NR5A1: variants seen among roughly 807,000 people sequenced by gnomAD.
NR5A1 encodes nuclear receptor subfamily 5 group A member 1.
NR5A1 carries 6 observed loss-of-function variants against 42.7 expected under a neutral mutation model. That is an observed-to-expected ratio of 0.14 (90% CI 0.08 to 0.28). The LOEUF (loss-of-function observed/expected upper bound fraction) is 0.28. NR5A1 is among the 10% of genes least tolerant of loss of function. The pLI is 1.00. For missense variants in NR5A1, 442 were observed against 626.4 expected (o/e 0.71, Z 3.14); for synonymous variants, 274 against 277.5 (o/e 0.99, Z 0.12).
At chr9:124,491,017 A>AGGCCCCC in intron 6 of NR5A1, 64 bp downstream of exon 6, 1 of 457,440 alleles carries the variant, frequency 2.2e-6, no homozygotes, top group Non-Finnish European at 4.2e-6. Flanking sequence ...CTCCAGCCTC[A>AGGCCCCC]CCCACCCTCC....
chr9:124,496,872 G>T lies in NR5A1; in HGVS notation c.870+3218C>A, dbSNP rs1832397591. On this transcript the variant is annotated intron_variant, in intron 4 of 6. Transcript: ENST00000373588. This position sits in a 1 kb window ranked among gnomAD's most constrained non-coding sequence, Gnocchi z 5.0. ...GTCCTCCCTTGCATCCTCCCAGCCTGTCCTTCGCAGTAAGTGACGAGAGGC... is the reference window on the plus strand; with the variant it reads ...GTCCTCCCTTGCATCCTCCCAGCCTTTCCTTCGCAGTAAGTGACGAGAGGC... Among the ~76,000 whole-genome samples the T allele has an allele frequency of 6.6e-6, 1 of 152,254 alleles. No homozygotes were observed. The highest frequency in any genetic ancestry group is 1.5e-5 in the Non-Finnish European group (1 of 68,048).
At position 124,493,039 on chromosome 9, in the gene NR5A1, G is replaced by C. The variant is rs141555967; in HGVS notation, c.981C>G (p.Thr327=). ...HGKEGSILLV[T]GQEVELTTVA... is the part of the protein sequence containing the mutation. ...CCGAGGGACTGGTCACCTCCTGCCC[G>C]GTGACCAGCAGGATGCTGCCCTCCT... Residue 327 remains threonine (T), a synonymous_variant, in exon 5 of 7, where the codon ACC becomes ACG. Coordinates refer to ENST00000373588, the MANE Select transcript of NR5A1 (RefSeq NM_004959.5). 6.2e-7 allele frequency: 1 copy of C among 1,600,616 alleles called. No homozygotes were observed. Among genetic ancestry groups the C allele is most frequent in the East Asian group, 2.2e-5 (1 of 44,508 alleles).
rs772799415 is a variant in NR5A1 at position 124,491,151 on chromosome 9, C to T, written c.1068G>A (p.Leu356=). The T allele has an allele frequency of 1.9e-6, 3 of 1,609,028 alleles. No homozygotes were observed. The African/African-American group carries it at 4.0e-5, about 21-fold the overall frequency. Residue 356 remains leucine (L), a synonymous_variant, in exon 6 of 7, where the codon CTG becomes CTA. Transcript: ENST00000373588. ...SLVLRAQELV[L]QLLALQLDRQ... is the part of the protein sequence containing the mutation. The stretch of plus-strand genomic sequence containing the variant: ...GGTCCAGCTGCAGCGCAAGCAGCTG[C>T]AGCACCAGCTCCTGCGCCCGCAACA...
chr9:124,500,076 G>A lies in NR5A1; in HGVS notation c.870+14C>T. 2.5e-6 allele frequency: 4 copies of A among 1,613,100 alleles called. No individual in the cohort carries two copies. The highest frequency in any genetic ancestry group is 3.4e-6 in the Non-Finnish European group (4 of 1,180,034). ...CCATGATGCAGGGCCAGCCGGGCGG[G>A]AGGAGAGACTCACCTCCAGCTCCTT... On this transcript the variant is annotated intron_variant, in intron 4 of 6. Transcript: ENST00000373588. This position sits in a 1 kb window ranked among gnomAD's most constrained non-coding sequence, Gnocchi z 6.9.
intron 4 of NR5A1, among the ~76,000 whole-genome samples, chr9:124,499,556 C>A (rs887109481): frequency 6.6e-6 from 1 of 152,178 alleles, no homozygotes; most frequent in Admixed American, 6.5e-5. Context: ...ACACTAAGAG[C>A]CCCCATCTGT....
rs1309947099 is a variant in NR5A1, at chr9:124,482,527, C to A, written c.*231G>T. 1 of 590,818 alleles carries A rather than the reference C, an allele frequency of 1.7e-6. No individual in the cohort carries two copies. Among genetic ancestry groups the A allele is most frequent in the Non-Finnish European group, 3.0e-6 (1 of 333,312 alleles). 36.6% of individuals were successfully genotyped at this position (590,818 alleles called of 1,614,324 possible). On this transcript the variant is annotated 3_prime_UTR_variant, in exon 7 of 7. Transcript: ENST00000373588. ...AGCCACCTCCTTGGGGCACTCCAAG[C>A]AGCAGGCAAGTGCCAGTGGCCACTC...
rs1832144345 is a variant in NR5A1, at chr9:124,482,630, G to A, written c.*128C>T. 1.4e-5 allele frequency: 16 copies of A among 1,121,980 alleles called. No individual in the cohort carries two copies. The East Asian group carries it at 3.9e-4, about 27-fold the overall frequency. The allele number at this position is 1,121,980 out of a possible 1,614,324, so 69.5% of individuals were successfully genotyped here. ...CAGAACTCAGGGGCAGCGGCCTCTG[G>A]GACGGGGCTGGGGCTCCTCGGTGGG... On this transcript the variant is annotated 3_prime_UTR_variant, in exon 7 of 7. Transcript: ENST00000373588.
rs1327061057 is a variant in NR5A1, at chr9:124,493,044, C to T, written c.976G>A (p.Val326Ile). 1 of 1,603,630 alleles carries T rather than the reference C, an allele frequency of 6.2e-7. No homozygotes were observed. Among genetic ancestry groups the T allele is most frequent in the East Asian group, 2.2e-5 (1 of 44,600 alleles). The change falls in exon 5 of 7, where the codon GTC becomes ATC. Residue 326 changes from valine to isoleucine, a missense_variant. Around this residue, in one of 3 missense-constraint regions of NR5A1, gnomAD observed 163 missense variants for 265.8 expected, o/e 0.61. Coordinates refer to ENST00000373588, the MANE Select transcript of NR5A1 (RefSeq NM_004959.5). The stretch of plus-strand genomic sequence containing the variant: ...GGACTGGTCACCTCCTGCCCGGTGA[C>T]CAGCAGGATGCTGCCCTCCTTGCCG... The part of the protein sequence containing the change: ...QHGKEGSILL[V>I]TGQEVELTTV...
At position 124,501,161 on chromosome 9, in the gene NR5A1, T is replaced by C. The variant is rs1221149272; in HGVS notation, c.245-446A>G. On this transcript the variant is annotated intron_variant, in intron 3 of 6. Coordinates refer to ENST00000373588, the MANE Select transcript of NR5A1 (RefSeq NM_004959.5). The surrounding 1 kb of genome is among the most constrained non-coding windows in gnomAD (Gnocchi z 4.1). ...CACTCTTATCATGCTGAGTGGATCA[T>C]GCCATGTGCTCCTGCGGGCTAAGTT... 1.3e-5 allele frequency among the ~76,000 whole-genome samples: 2 copies of C among 152,144 alleles called. No individual in the cohort carries two copies. The highest frequency in any genetic ancestry group is 2.4e-5 in the African/African-American group (1 of 41,424).
In NR5A1 at chr9:124,482,853, T is replaced by A; in HGVS notation, c.1291A>T (p.Met431Leu). Residue 431 changes from methionine to leucine, a missense_variant, in exon 7 of 7, where the codon ATG (methionine) becomes TTG (leucine). Met to Leu is a conservative substitution (Grantham distance 15). Around this residue, in one of 3 missense-constraint regions of NR5A1, gnomAD observed 163 missense variants for 265.8 expected, o/e 0.61. Coordinates refer to ENST00000373588, the MANE Select transcript of NR5A1 (RefSeq NM_004959.5). ...LCLVEVRALS[M>L]QAKEYLYHKH... Reference sequence around the variant, plus strand: ...TGGTACAGGTACTCCTTGGCCTGCATGCTCAGGGCCCGCACCTCCACCAGG... The same window carrying A: ...TGGTACAGGTACTCCTTGGCCTGCAAGCTCAGGGCCCGCACCTCCACCAGG... 6.2e-7 allele frequency: 1 copy of A among 1,613,926 alleles called. No individual in the cohort carries two copies. The highest frequency in any genetic ancestry group is 1.1e-5 in the South Asian group (1 of 91,070).
At chr9:124,502,527 C>T (rs1437920262) in intron 3 of NR5A1, among the ~76,000 whole-genome samples, 1 of 152,148 alleles carries the variant, frequency 6.6e-6, no homozygotes, top group Admixed American at 6.5e-5. Context: ...CAAGGTTTCT[C>T]CATGTTGCCC....
At chr9:124,492,688 C>T (rs78905518) in intron 5 of NR5A1, among the ~76,000 whole-genome samples, 18,018 of 152,084 alleles carry the variant, frequency 0.12, 1,261 homozygotes, top group Non-Finnish European at 0.16. Context: ...GGGGACTGCC[C>T]CCCTCATCCC....
Position 124,482,496 on chromosome 9 carries a change from G to C in NR5A1, c.*262C>G. 1.9e-6 allele frequency: 1 copy of C among 528,726 alleles called. No individual in the cohort carries two copies. Among genetic ancestry groups the C allele is most frequent in the South Asian group, 2.0e-5 (1 of 49,964 alleles). 32.8% of individuals were successfully genotyped at this position (528,726 alleles called of 1,614,324 possible). A position where few individuals can be genotyped will look rare whatever the true frequency, so the allele number is the denominator to read the frequency against. On this transcript the variant is annotated 3_prime_UTR_variant, in exon 7 of 7. Transcript: ENST00000373588. ...GAGCAGGGAGGGGGCGGGGCGGGTG[G>C]TTAACAGCCACCTCCTTGGGGCACT...
intron 6 of NR5A1, 45 bp downstream of exon 6, chr9:124,491,036 C>CCCCCCCCAGGGGGGGG: frequency 1.4e-6 from 2 of 1,401,598 alleles, no homozygotes; most frequent in Non-Finnish European, 9.6e-7. Context: ...CCCACCCACC[C>CCCCCCCCAGGGGGGGG]GCCTCTGGCT....
At chr9:124,504,814 C>T (rs912827843) in intron 1 of NR5A1, among the ~76,000 whole-genome samples, 3 of 146,412 alleles carry the variant, frequency 2.0e-5, no homozygotes, top group African/African-American at 7.4e-5. Context: ...CCGCTCGGGC[C>T]GGGGACGGGG....
At chr9:124,486,985 C>T (rs1588615601) in intron 6 of NR5A1, among the ~76,000 whole-genome samples, 1 of 152,372 alleles carries the variant, frequency 6.6e-6, no homozygotes, top group South Asian at 2.1e-4. Flanking sequence ...AAGGAGCTGG[C>T]TCTCATCTGC....
intron 6 of NR5A1, among the ~76,000 whole-genome samples, chr9:124,489,763 T>A (rs960629748): frequency 4.7e-4 from 54 of 115,374 alleles, no homozygotes; most frequent in African/African-American, 1.7e-3. Flanking sequence ...CCCACCCCAA[T>A]GGCTGTCCCC....
intron 1 of NR5A1, among the ~76,000 whole-genome samples, chr9:124,505,449 C>T (rs1832542774): frequency 6.6e-6 from 1 of 152,190 alleles, no homozygotes; most frequent in South Asian, 2.1e-4. Flanking sequence ...GCTCTCTCCC[C>T]GTCTCGGGTC....
At chr9:124,488,983 G>A (rs983426828) in intron 6 of NR5A1, among the ~76,000 whole-genome samples, 2 of 152,244 alleles carry the variant, frequency 1.3e-5, no homozygotes, top group Non-Finnish European at 2.9e-5. Flanking sequence ...CTGATGACCA[G>A]CATGACATGA....
Sources: allele counts gnomAD v4.1 joint callset (sites outside exome capture counted in the v4.1 genomes callset), GRCh38; gene constraint gnomAD v4.1.1; regional missense constraint gnomAD v4.1.1; non-coding constraint Gnocchi (gnomAD v3.1); transcripts MANE v1.5; gene names NCBI Gene and HGNC (gene_info 2026-07-23, HGNC 2026-07-21).